Variants in WWOX observed in about 807,000 individuals in gnomAD.
WWOX encodes WW domain containing oxidoreductase, also known as WW domain-containing oxidoreductase.
WWOX carries 69 observed loss-of-function variants against 46.2 expected under a neutral mutation model. The ratio of observed to expected loss-of-function variants is 1.49; its 90% CI spans 1.23 to 1.82. The LOEUF (loss-of-function observed/expected upper bound fraction) is 1.82, where lower values mean the gene tolerates loss of function less well. Ranked by LOEUF, WWOX falls within the 40% of genes most tolerant of loss-of-function variation. WWOX has a pLI of 0.00. For missense variants in WWOX, 919 were observed against 542.6 expected (o/e 1.69, Z -6.89); for synonymous variants, 359 against 202.6 (o/e 1.77, Z -6.56).
At chr16:78,628,231 A>G (rs368908622) in intron 8 of WWOX, among the ~76,000 whole-genome samples, 1 of 152,200 alleles carries the variant, frequency 6.6e-6, no homozygotes, top group Admixed American at 6.5e-5. Flanking sequence ...GGTTTGGCCA[A>G]CTAAGGAGTA....
intron 8 of WWOX, among the ~76,000 whole-genome samples, chr16:78,576,057 T>C (rs190989713): frequency 6.6e-6 from 1 of 152,270 alleles, no homozygotes; most frequent in East Asian, 1.9e-4. Flanking sequence ...ATGGAAATCT[T>C]TTCTTGAAGC....
intron 5 of WWOX, among the ~76,000 whole-genome samples, chr16:78,297,754 G>GT (rs1453909977): frequency 2.6e-4 from 39 of 152,130 alleles, no homozygotes; most frequent in Non-Finnish European, 5.9e-5. Context: ...CAAAAGTCAT[G>GT]ACCTGTCTTT....
chr16:78,579,292 G>A (rs2151586028), intron 8 of WWOX, among the ~76,000 whole-genome samples: 1 of 152,250 alleles, frequency 6.6e-6, no homozygotes, highest in Non-Finnish European at 1.5e-5. Flanking sequence ...AGTAGAGTGT[G>A]ACAGCATATG....
rs574706157 is a variant in WWOX at position 78,477,396 on chromosome 16, C to CT, written c.1056+44651dup. On this transcript the variant is annotated intron_variant, in intron 8 of 8. Transcript: ENST00000566780. The stretch of plus-strand genomic sequence containing the variant: ...ACTTTTTTTTTAATTAAATCTATTT[C>CT]TTTTTTTAAGTGTTACTGTGTAATT... Among the ~76,000 whole-genome samples the CT allele has an allele frequency of 9.9e-5, 15 of 151,916 alleles. No homozygotes were observed. In the South Asian group the frequency reaches 2.5e-3, roughly 25 times the overall value.
intron 6 of WWOX, among the ~76,000 whole-genome samples, chr16:78,407,801 A>T (rs539408301): frequency 6.6e-6 from 1 of 152,316 alleles, no homozygotes; most frequent in South Asian, 2.1e-4. Context: ...ATCCATCCAG[A>T]TACCTAAAAA....
At chr16:78,103,900 G>A (rs2031964184) in intron 1 of WWOX, among the ~76,000 whole-genome samples, 1 of 151,938 alleles carries the variant, frequency 6.6e-6, no homozygotes, top group South Asian at 2.1e-4. Context: ...CGGTTCACTT[G>A]TGTGCCTCAA....
chr16:79,159,585 A>G (rs2050445531), intron 8 of WWOX, among the ~76,000 whole-genome samples: 1 of 152,210 alleles, frequency 6.6e-6, no homozygotes, highest in Non-Finnish European at 1.5e-5. Context: ...CCTGGGTTAC[A>G]AAGAGGAGGC....
intron 8 of WWOX, among the ~76,000 whole-genome samples, chr16:78,789,795 A>G (rs1236542932): frequency 6.6e-6 from 1 of 152,078 alleles, no homozygotes; most frequent in African/African-American, 2.4e-5. Flanking sequence ...GGAAAAGCTC[A>G]TTTTCCAGTT....
intron 8 of WWOX, among the ~76,000 whole-genome samples, chr16:79,079,001 T>C (rs1290878065): frequency 1.3e-5 from 2 of 152,192 alleles, no homozygotes; most frequent in East Asian, 1.9e-4. Context: ...GTAGAGATGC[T>C]AAAATATAAT....
At chr16:78,458,212 G>T in intron 8 of WWOX, among the ~76,000 whole-genome samples, 1 of 150,118 alleles carries the variant, frequency 6.7e-6, no homozygotes, top group Non-Finnish European at 1.5e-5. Context: ...TATATATTCT[G>T]CCCACTTCTA....
At chr16:79,018,949 G>C (rs1028694782) in intron 8 of WWOX, among the ~76,000 whole-genome samples, 3 of 151,930 alleles carry the variant, frequency 2.0e-5, no homozygotes, top group East Asian at 1.9e-4. Flanking sequence ...TCAGGAGTTG[G>C]AGACAAGCCT....
chr16:78,135,397 A>C (rs542487165), intron 4 of WWOX, among the ~76,000 whole-genome samples: 5 of 152,360 alleles, frequency 3.3e-5, no homozygotes, highest in African/African-American at 1.2e-4. Context: ...TTTTAGAAGC[A>C]TAAAAGACGT....
intron 5 of WWOX, among the ~76,000 whole-genome samples, chr16:78,300,439 T>TATTCTCTA (rs2080019311): frequency 6.6e-6 from 1 of 152,094 alleles, no homozygotes; most frequent in Non-Finnish European, 1.5e-5. Flanking sequence ...GCCACCTTTT[T>TATTCTCTA]ATTCTCTAAT....
intron 8 of WWOX, among the ~76,000 whole-genome samples, chr16:78,629,239 AT>A (rs11388515): frequency 5.1e-4 from 76 of 149,204 alleles, no homozygotes; most frequent in Middle Eastern, 3.5e-3. Context: ...TGGGTATTTT[AT>A]TTTTTTTTCC....
chr16:79,108,919 AG>A (rs979844700), intron 8 of WWOX, among the ~76,000 whole-genome samples: 3 of 151,004 alleles, frequency 2.0e-5, no homozygotes, highest in South Asian at 2.1e-4. Context: ...TAAAAAAAAA[AG>A]TTTTTTTTTT....
intron 8 of WWOX, among the ~76,000 whole-genome samples, chr16:78,992,977 TCCTC>T (rs1439713840): frequency 1.3e-5 from 2 of 152,128 alleles, no homozygotes; most frequent in Admixed American, 6.5e-5. Flanking sequence ...TTCAGTGACT[TCCTC>T]CCTCTCTTTC....
chr16:79,020,750 G>A (rs1004068112), intron 8 of WWOX, among the ~76,000 whole-genome samples: 11 of 152,150 alleles, frequency 7.2e-5, no homozygotes, highest in African/African-American at 2.7e-4. Flanking sequence ...ATGTCAACAC[G>A]CATGCAGCTT....
At chr16:78,760,974 A>G (rs146190886) in intron 8 of WWOX, among the ~76,000 whole-genome samples, 3 of 152,258 alleles carry the variant, frequency 2.0e-5, no homozygotes, top group Non-Finnish European at 2.9e-5. Context: ...ATCAGATCTC[A>G]TGAGACTTAT....
intron 8 of WWOX, among the ~76,000 whole-genome samples, chr16:78,918,630 T>G (rs766109046): frequency 6.6e-6 from 1 of 152,224 alleles, no homozygotes. Context: ...CTTAGTTTTA[T>G]TACTAATGAT....
Sources: allele counts gnomAD v4.1 joint callset (sites outside exome capture counted in the v4.1 genomes callset), GRCh38; gene constraint gnomAD v4.1.1; transcripts MANE v1.5; gene names NCBI Gene and HGNC (gene_info 2026-07-23, HGNC 2026-07-21).